TDRD3: variants seen among roughly 807,000 people sequenced by gnomAD.
The protein encoded by TDRD3 is tudor domain-containing protein 3.
A neutral mutation model predicts 86.7 loss-of-function variants in TDRD3; 45 were observed. The ratio of observed to expected loss-of-function variants is 0.52; its 90% CI spans 0.41 to 0.67. The LOEUF (loss-of-function observed/expected upper bound fraction) is 0.67, where lower values mean the gene tolerates loss of function less well. TDRD3 is among the 30% of genes least tolerant of loss of function. TDRD3 has a pLI of 0.00. For synonymous variants in TDRD3, 298 were observed against 301.7 expected (o/e 0.99, Z 0.13); for missense variants, 814 against 889.0 (o/e 0.92, Z 1.07).
chr13:60,556,963 AG>A (rs1251396759), intron 12 of TDRD3, among the ~76,000 whole-genome samples: 1 of 152,092 alleles, frequency 6.6e-6, no homozygotes, highest in Non-Finnish European at 1.5e-5. Flanking sequence ...CCAACACTTT[AG>A]GAGGCTGAGG....
chr13:60,527,125 A>G (rs913448796), intron 10 of TDRD3, among the ~76,000 whole-genome samples: 1 of 152,122 alleles, frequency 6.6e-6, no homozygotes, highest in Non-Finnish European at 1.5e-5. Context: ...GTGAGCCACC[A>G]TGCCTGGCCT....
At chr13:60,445,697 G>C (rs1377020619) in intron 3 of TDRD3, among the ~76,000 whole-genome samples, 5 of 152,118 alleles carry the variant, frequency 3.3e-5, no homozygotes, top group Admixed American at 3.3e-4. Context: ...GTTCTAGGAA[G>C]GATACTTAGA....
chr13:60,480,983 G>A (rs899194609), intron 5 of TDRD3, among the ~76,000 whole-genome samples: 1 of 152,092 alleles, frequency 6.6e-6, no homozygotes, highest in Non-Finnish European at 1.5e-5. Context: ...CACCACAGGA[G>A]GGGGGCATTC....
intron 3 of TDRD3, among the ~76,000 whole-genome samples, chr13:60,456,803 C>T (rs1490235403): frequency 1.3e-5 from 2 of 152,094 alleles, no homozygotes; most frequent in Non-Finnish European, 2.9e-5. Flanking sequence ...TCAAGAGATC[C>T]TGCCATCTCA....
intron 4 of TDRD3, among the ~76,000 whole-genome samples, chr13:60,463,362 C>CAAAA (rs57195209): frequency 1.4e-4 from 11 of 81,442 alleles, no homozygotes; most frequent in South Asian, 4.1e-4. Flanking sequence ...AATTCTGGCT[C>CAAAA]AAAAAAAAAA....
chr13:60,435,532 A>C (rs1185987720), intron 1 of TDRD3, among the ~76,000 whole-genome samples: 1 of 152,178 alleles, frequency 6.6e-6, no homozygotes. Context: ...TTGGTTTTCC[A>C]TTCCTGAGTT....
At position 60,397,255 on chromosome 13, in the gene TDRD3, G is replaced by GT. The variant is rs1395404701; in HGVS notation, c.-104dup. 5 of 639,848 alleles carry GT rather than the reference G, an allele frequency of 7.8e-6. No individual in the cohort carries two copies. Among genetic ancestry groups the GT allele is most frequent in the East Asian group, 7.0e-5 (2 of 28,582 alleles). The allele number at this position is 639,848 out of a possible 1,614,324, so 39.6% of individuals were successfully genotyped here. On this transcript the variant is annotated 5_prime_UTR_variant, in exon 1 of 14. The change creates a premature stop within an existing upstream ORF in the 5' untranslated region. Coordinates refer to ENST00000377881, the MANE Select transcript of TDRD3 (RefSeq NM_001146070.2). ...CCCAGTTGCAGAGCCGACCAGAGGA[G>GT]TTTTTTCTTTTCTTTTCTTTTTTTT...
chr13:60,538,324 G>T, intron 12 of TDRD3, among the ~76,000 whole-genome samples: 1 of 150,380 alleles, frequency 6.6e-6, no homozygotes, highest in Non-Finnish European at 1.5e-5. Context: ...TCTTCAAAAT[G>T]ATTCATTAAA....
chr13:60,483,586 G>A (rs1956363029), intron 5 of TDRD3, among the ~76,000 whole-genome samples, 189 bp from the exon 6 acceptor site: 1 of 152,080 alleles, frequency 6.6e-6, no homozygotes, highest in African/African-American at 2.4e-5. Context: ...GGTGAGGAGA[G>A]TCTTTGCCTA....
At chr13:60,556,852 T>A (rs1958198303) in intron 12 of TDRD3, among the ~76,000 whole-genome samples, 1 of 152,172 alleles carries the variant, frequency 6.6e-6, no homozygotes, top group Non-Finnish European at 1.5e-5. Context: ...AAGTAGAATA[T>A]TTATTTTTAA....
intron 8 of TDRD3, among the ~76,000 whole-genome samples, chr13:60,502,474 C>T (rs1484372420): frequency 6.6e-6 from 1 of 152,090 alleles, no homozygotes; most frequent in Admixed American, 6.6e-5. Context: ...AAACTTTAGT[C>T]TTATACTTGG....
intron 1 of TDRD3, among the ~76,000 whole-genome samples, chr13:60,416,714 C>T (rs555414956): frequency 6.6e-6 from 1 of 152,258 alleles, no homozygotes; most frequent in African/African-American, 2.4e-5. Context: ...AGTGACCTTC[C>T]AGTTGTGAGA....
At chr13:60,510,792 TC>T (rs760826790) in intron 10 of TDRD3, 37 bp downstream of exon 10, 4 of 1,497,524 alleles carry the variant, frequency 2.7e-6, no homozygotes, top group Admixed American at 2.4e-5. Flanking sequence ...TTTTTTTCTT[TC>T]TTTTCTTTCT....
intron 1 of TDRD3, among the ~76,000 whole-genome samples, chr13:60,421,201 A>G (rs928581068): frequency 1.3e-5 from 2 of 152,078 alleles, no homozygotes; most frequent in African/African-American, 4.8e-5. Flanking sequence ...AATAAAAAAA[A>G]AGAGGTTTAA....
chr13:60,512,291 A>T (rs1040681010), intron 10 of TDRD3, among the ~76,000 whole-genome samples: 18 of 152,088 alleles, frequency 1.2e-4, no homozygotes, highest in Non-Finnish European at 2.2e-4. Context: ...CCCATGATTT[A>T]CTTACCTCCC....
chr13:60,439,967 G>T (rs1026979861), intron 2 of TDRD3, among the ~76,000 whole-genome samples, 195 bp downstream of exon 2: 3 of 152,048 alleles, frequency 2.0e-5, no homozygotes, highest in Non-Finnish European at 4.4e-5. Context: ...CTGTTATACA[G>T]AATCCAATGA....
In TDRD3 at chr13:60,467,252, C is replaced by T. The variant is rs1169897397; in HGVS notation, c.368C>T (p.Pro123Leu). ...CTTTGCTTTAGCCTGAACACACCAC[C>T]TGGAACTAAAGTTAAGCTCTCAGGC... ...YMSKISLNTP[P>L]GTKVKLSGIV... Residue 123 changes from proline (P) to leucine (L), a missense_variant, in exon 5 of 14, where the codon CCT becomes CTT. Pro to Leu is a moderately conservative substitution (Grantham distance 98, BLOSUM62 -3). Transcript: ENST00000377881. 6.2e-7 allele frequency: 1 copy of T among 1,613,766 alleles called. No individual in the cohort carries two copies. Among genetic ancestry groups the T allele is most frequent in the South Asian group, 1.1e-5 (1 of 91,066 alleles).
intron 11 of TDRD3, among the ~76,000 whole-genome samples, chr13:60,534,767 A>C (rs1957661878): frequency 6.6e-6 from 1 of 151,800 alleles, no homozygotes; most frequent in Non-Finnish European, 1.5e-5. Context: ...CTCTATAAAA[A>C]ATACCAAAAA....
At chr13:60,481,661 A>G (rs957038281) in intron 5 of TDRD3, among the ~76,000 whole-genome samples, 29 of 151,998 alleles carry the variant, frequency 1.9e-4, no homozygotes, top group African/African-American at 6.8e-4. Context: ...ATACTTACAC[A>G]TAGTTTTAAT....
Sources: allele counts gnomAD v4.1 joint callset (sites outside exome capture counted in the v4.1 genomes callset), GRCh38; gene constraint gnomAD v4.1.1; transcripts MANE v1.5; gene names NCBI Gene and HGNC (gene_info 2026-07-23, HGNC 2026-07-21).